The following NRG3 variants were observed in gnomAD, a reference collection of about 807,000 sequenced individuals.
The protein encoded by NRG3 is pro-neuregulin-3, membrane-bound isoform.
In NRG3, 31 loss-of-function variants were observed where a neutral mutation model predicts 66.9. The observed-to-expected ratio is 0.46, with a 90% confidence interval of 0.35 to 0.63. NRG3 has a LOEUF of 0.63. NRG3 is among the 20% of genes least tolerant of loss of function. The probability of loss-of-function intolerance (pLI) is 0.00; values close to 1 mark genes in which losing one functional copy is unlikely to be tolerated. For missense variants in NRG3, 910 were observed against 878.9 expected, an observed-to-expected ratio of 1.04 and a Z score of -0.45; for synonymous variants, 393 against 359.4, an observed-to-expected ratio of 1.09 and a Z score of -1.06.
intron 3 of NRG3, among the ~76,000 whole-genome samples, chr10:82,770,471 C>T (rs1032924771): frequency 1.3e-5 from 2 of 152,050 alleles, no homozygotes; most frequent in African/African-American, 2.4e-5. Context: ...TTTCTAAAAC[C>T]GTCAACACAA....
rs146193172 is a variant in NRG3, at chr10:82,282,496, G to A, written c.824-76243G>A. ...GCAGGACTGAAAGTTGTGTAACACA[G>A]CAGTTAAAAGGAGGGCTCAGGACCA... is the stretch of plus-strand genomic sequence containing the variant. On this transcript the variant is annotated intron_variant, in intron 1 of 8. Transcript: ENST00000372141. Among the ~76,000 whole-genome samples the A allele has an allele frequency of 9.9e-3, 1,501 of 152,188 alleles. 17 individuals carry two copies. The highest frequency in any genetic ancestry group is 0.03 in the African/African-American group (1,262 of 41,512).
At position 81,966,467 on chromosome 10, in the gene NRG3, T is replaced by C. The variant is rs189646132; in HGVS notation, c.823+90304T>C. ...TGATTTTTCTTATATTTTCTGTTCT[T>C]CTATTTATTTATTTATATTTTTTGT... On this transcript the variant is annotated intron_variant, in intron 1 of 8. Transcript: ENST00000372141. 5.0e-3 allele frequency among the ~76,000 whole-genome samples: 763 copies of C among 152,130 alleles called. 4 individuals carry two copies. The highest frequency in any genetic ancestry group is 8.7e-3 in the Non-Finnish European group (588 of 67,964).
chr10:81,957,722 G>C (rs907419809), intron 1 of NRG3, among the ~76,000 whole-genome samples: 2 of 151,994 alleles, frequency 1.3e-5, no homozygotes, highest in East Asian at 3.9e-4. Flanking sequence ...TGGGAATTAG[G>C]GTCTTTGGAA....
intron 2 of NRG3, among the ~76,000 whole-genome samples, chr10:82,533,000 T>A (rs1303340110): frequency 1.3e-5 from 2 of 151,766 alleles, no homozygotes; most frequent in Non-Finnish European, 2.9e-5. Flanking sequence ...CTAACAGGTA[T>A]AAAATGACAT....
chr10:82,516,139 A>G (rs976370626), intron 2 of NRG3, among the ~76,000 whole-genome samples: 3 of 151,164 alleles, frequency 2.0e-5, no homozygotes, highest in African/African-American at 7.3e-5. Context: ...TGGTTGGAAC[A>G]TTGTGTGTGT....
intron 3 of NRG3, among the ~76,000 whole-genome samples, chr10:82,745,929 T>C (rs2058623360): frequency 6.6e-6 from 1 of 152,304 alleles, no homozygotes; most frequent in African/African-American, 2.4e-5. Context: ...TCTTGCTCTG[T>C]CACCCAGGCT....
Position 82,986,201 on chromosome 10 carries a change from TC to T in NRG3, c.*598del, listed in dbSNP as rs1163300146. 6.6e-6 allele frequency: 1 copy of T among 152,324 alleles called. No individual in the cohort carries two copies. Among genetic ancestry groups the T allele is most frequent in the Non-Finnish European group, 1.5e-5 (1 of 68,122 alleles). The allele number at this position is 152,324 out of a possible 1,614,324, so 9.4% of individuals were successfully genotyped here. Reference sequence around the variant, plus strand: ...TCTTAACTACTCTTGTGTGCCACCTTCCTCTGAGATTTGAATGCACAGATCT... The same window carrying T: ...TCTTAACTACTCTTGTGTGCCACCTTCTCTGAGATTTGAATGCACAGATCT... On this transcript the variant is annotated 3_prime_UTR_variant, in exon 9 of 9. Coordinates refer to ENST00000372141, the MANE Select transcript of NRG3 (RefSeq NM_001010848.4).
intron 1 of NRG3, among the ~76,000 whole-genome samples, chr10:81,983,797 G>A (rs925431692): frequency 1.3e-5 from 2 of 152,120 alleles, no homozygotes; most frequent in African/African-American, 2.4e-5. Context: ...GTTTATAACT[G>A]TTGTAGATTA....
chr10:82,094,577 A>C (rs2066221334), intron 1 of NRG3, among the ~76,000 whole-genome samples: 1 of 152,218 alleles, frequency 6.6e-6, no homozygotes, highest in African/African-American at 2.4e-5. Flanking sequence ...AAAAGTACAG[A>C]ATCAATCTAA....
intron 2 of NRG3, among the ~76,000 whole-genome samples, chr10:82,683,107 C>T (rs945721308): frequency 2.0e-5 from 3 of 151,850 alleles, no homozygotes; most frequent in Non-Finnish European, 4.4e-5. Context: ...TACAGGTGCC[C>T]ACCACCACGC....
intron 2 of NRG3, among the ~76,000 whole-genome samples, chr10:82,445,314 T>A (rs76842434): frequency 0.028 from 4,188 of 152,248 alleles, 95 homozygotes; most frequent in Non-Finnish European, 0.041. Context: ...AGTAGAAAAT[T>A]AGAGTATTGT....
chr10:82,497,520 T>C (rs775616753), intron 2 of NRG3, among the ~76,000 whole-genome samples: 5 of 152,156 alleles, frequency 3.3e-5, no homozygotes, highest in Non-Finnish European at 7.4e-5. Flanking sequence ...TCCAAGGTCA[T>C]CCATATTGTT....
chr10:82,969,430 G>A (rs1338528110), intron 6 of NRG3, among the ~76,000 whole-genome samples: 1 of 152,172 alleles, frequency 6.6e-6, no homozygotes, highest in Non-Finnish European at 1.5e-5. Context: ...ACACATAGAG[G>A]TATTTCCATT....
At position 82,118,202 on chromosome 10, in the gene NRG3, T is replaced by C. The variant is rs558622713; in HGVS notation, c.824-240537T>C. Among the ~76,000 whole-genome samples, 4 of 150,394 alleles carry C rather than the reference T, an allele frequency of 2.7e-5. No individual in the cohort carries two copies. In the South Asian group the frequency reaches 8.4e-4, roughly 32 times the overall value. On this transcript the variant is annotated intron_variant, in intron 1 of 8. Coordinates refer to ENST00000372141, the MANE Select transcript of NRG3 (RefSeq NM_001010848.4). ...TAAGTAAGGCCAGAGTGATTAGGCT[T>C]TTAGTAAGGACTCTAAAAAAAAAAA...
chr10:82,487,987 CA>C (rs1179795774), intron 2 of NRG3, among the ~76,000 whole-genome samples: 1 of 152,122 alleles, frequency 6.6e-6, no homozygotes, highest in African/African-American at 2.4e-5. Context: ...GAAGCCCTAA[CA>C]ATTATATTGT....
intron 1 of NRG3, among the ~76,000 whole-genome samples, chr10:81,979,585 G>A (rs2060258692): frequency 6.6e-6 from 1 of 152,248 alleles, no homozygotes; most frequent in African/African-American, 2.4e-5. Flanking sequence ...TTTCAGCAAT[G>A]TCAAATGTAG....
chr10:82,640,121 A>G lies in NRG3; in HGVS notation c.954-98456A>G, dbSNP rs1388753018. Among the ~76,000 whole-genome samples the G allele has an allele frequency of 2.0e-5, 3 of 152,214 alleles. No homozygotes were observed. The East Asian group carries it at 5.8e-4, about 29-fold the overall frequency. ...AGATTGTATTCTTTTTGATGGATGC[A>G]TAGCAAATACCATTTGACACAGCAA... On this transcript the variant is annotated intron_variant, in intron 2 of 8. Coordinates refer to ENST00000372141, the MANE Select transcript of NRG3 (RefSeq NM_001010848.4).
chr10:82,837,280 A>G (rs2062830825), intron 3 of NRG3, among the ~76,000 whole-genome samples: 1 of 152,164 alleles, frequency 6.6e-6, no homozygotes, highest in Non-Finnish European at 1.5e-5. Context: ...GCTGAGTCAA[A>G]TGGTATTTCT....
At chr10:82,215,218 C>T (rs1368303311) in intron 1 of NRG3, among the ~76,000 whole-genome samples, 3 of 152,042 alleles carry the variant, frequency 2.0e-5, no homozygotes, top group African/African-American at 7.2e-5. Context: ...AATAATAGGT[C>T]AGATGAGCAA....
Sources: gnomAD v4.1 joint callset for allele counts (sites outside exome capture counted in the v4.1 genomes callset) on GRCh38, gnomAD v4.1.1 for gene constraint, MANE v1.5 for transcripts, NCBI Gene and HGNC (gene_info 2026-07-23, HGNC 2026-07-21) for gene names.